The following VPS41 variants were observed in gnomAD, a reference collection of about 807,000 sequenced individuals.
VPS41 encodes VPS41 subunit of HOPS complex.
VPS41 carries 85 observed loss-of-function variants against 130.9 expected under a neutral mutation model. That is an observed-to-expected ratio of 0.65 (90% CI 0.55 to 0.78). The LOEUF is 0.78. Ranked by LOEUF, VPS41 falls within the 30% of genes least tolerant of loss-of-function variation. VPS41 has a pLI of 0.00. For synonymous variants in VPS41, 335 were observed against 332.9 expected (o/e 1.01, Z -0.07); for missense variants, 874 against 1,018.7 (o/e 0.86, Z 1.93).
intron 7 of VPS41, among the ~76,000 whole-genome samples, chr7:38,797,221 G>A (rs1784639136): frequency 6.6e-6 from 1 of 152,152 alleles, no homozygotes; most frequent in Non-Finnish European, 1.5e-5. Context: ...TTTGTAAATT[G>A]GGAAATCAAA....
intron 17 of VPS41, among the ~76,000 whole-genome samples, chr7:38,760,719 T>C (rs1783893116): frequency 6.6e-6 from 1 of 152,122 alleles, no homozygotes; most frequent in Non-Finnish European, 1.5e-5. Context: ...AAAATAAACC[T>C]TAAAGTCGAT....
Position 38,817,885 on chromosome 7 carries a change from A to G in VPS41, c.385-3T>C. On this transcript the variant is annotated splice_polypyrimidine_tract_variant and splice_region_variant and intron_variant, in intron 6 of 28. Coordinates refer to ENST00000310301, the MANE Select transcript of VPS41 (RefSeq NM_014396.4). ...AAATGTGGGTGCACAGCAATAATCTACAAGAGAAACAGAACCCAACTCTGG... is the reference window on the plus strand; with the variant it reads ...AAATGTGGGTGCACAGCAATAATCTGCAAGAGAAACAGAACCCAACTCTGG... 1 of 1,613,746 alleles carries G rather than the reference A, an allele frequency of 6.2e-7. No individual in the cohort carries two copies. Among genetic ancestry groups the G allele is most frequent in the Non-Finnish European group, 8.5e-7 (1 of 1,179,744 alleles).
rs1326636477 is a variant in VPS41 at position 38,877,646 on chromosome 7, C to CT, written c.61-8394dup. On this transcript the variant is annotated intron_variant, in intron 2 of 28. Coordinates refer to ENST00000310301, the MANE Select transcript of VPS41 (RefSeq NM_014396.4). ...CCATAAGCCAAGTGCAAAGAAGCAA[C>CT]TTGCTAACCACCCCCACCAAAGCCT... Among the ~76,000 whole-genome samples, 8 of 152,234 alleles carry CT rather than the reference C, an allele frequency of 5.3e-5. No individual in the cohort carries two copies. The East Asian group carries it at 1.5e-3, about 29-fold the overall frequency.
chr7:38,795,920 C>G (rs554180992), intron 8 of VPS41, among the ~76,000 whole-genome samples: 31 of 152,300 alleles, frequency 2.0e-4, no homozygotes, highest in African/African-American at 7.5e-4. Context: ...AGTAACATTT[C>G]TAATTTTATC....
intron 1 of VPS41, among the ~76,000 whole-genome samples, chr7:38,907,029 G>GC (rs1211174666): frequency 6.6e-6 from 1 of 151,536 alleles, no homozygotes; most frequent in East Asian, 1.9e-4. Flanking sequence ...ACAAATCCTT[G>GC]TCAGGATGTT....
At chr7:38,759,701 C>T (rs4723785) in intron 17 of VPS41, among the ~76,000 whole-genome samples, 98,391 of 151,888 alleles carry the variant, frequency 0.65, 33,071 homozygotes, top group Admixed American at 0.78. Flanking sequence ...TTGGACTTGC[C>T]CCATCCCCAT....
intron 22 of VPS41, among the ~76,000 whole-genome samples, chr7:38,748,937 T>C (rs978252092): frequency 6.6e-6 from 1 of 152,038 alleles, no homozygotes; most frequent in East Asian, 1.9e-4. Context: ...TCCACCTAAC[T>C]GCACTTTTGT....
intron 7 of VPS41, among the ~76,000 whole-genome samples, chr7:38,800,706 G>A (rs965825687): frequency 2.6e-5 from 4 of 152,062 alleles, no homozygotes; most frequent in Admixed American, 1.3e-4. Context: ...CATGGTGGCC[G>A]GCACCTGTAA....
intron 1 of VPS41, among the ~76,000 whole-genome samples, chr7:38,900,934 G>C (rs1050587181): frequency 6.6e-6 from 1 of 152,170 alleles, no homozygotes; most frequent in African/African-American, 2.4e-5. Flanking sequence ...AGAGAGAAAG[G>C]CAAAGAAGAC....
At chr7:38,847,612 C>T (rs1785755173) in intron 4 of VPS41, among the ~76,000 whole-genome samples, 3 of 152,138 alleles carry the variant, frequency 2.0e-5, no homozygotes, top group African/African-American at 7.2e-5. Flanking sequence ...AGAACAAACT[C>T]CACTAATAAA....
chr7:38,823,043 T>A lies in VPS41; in HGVS notation c.322-1778A>T, dbSNP rs529937831. 1.2e-4 allele frequency among the ~76,000 whole-genome samples: 19 copies of A among 152,344 alleles called. No individual in the cohort carries two copies. In the East Asian group the frequency reaches 3.5e-3, roughly 28 times the overall value. The stretch of plus-strand genomic sequence containing the variant: ...CACTGGTGAAGCCATCTAGGTCTCA[T>A]GGCTTTGCTATGGTCTGAATGTATG... On this transcript the variant is annotated intron_variant, in intron 5 of 28. Transcript: ENST00000310301.
intron 4 of VPS41, among the ~76,000 whole-genome samples, chr7:38,845,211 A>G (rs904965678): frequency 2.0e-5 from 3 of 152,196 alleles, no homozygotes; most frequent in Non-Finnish European, 4.4e-5. Flanking sequence ...CTATGTACTC[A>G]AGACAGTTAT....
intron 7 of VPS41, among the ~76,000 whole-genome samples, chr7:38,801,417 TTA>T (rs2116013714): frequency 6.6e-6 from 1 of 152,348 alleles, no homozygotes; most frequent in Admixed American, 6.5e-5. Flanking sequence ...CGTTATTTTC[TTA>T]TGTTTTTCAA....
At chr7:38,814,599 G>A (rs1584408885) in intron 7 of VPS41, among the ~76,000 whole-genome samples, 1 of 152,054 alleles carries the variant, frequency 6.6e-6, no homozygotes, top group African/African-American at 2.4e-5. Flanking sequence ...GCAGCGAGCC[G>A]AGATCGCGCC....
intron 23 of VPS41, among the ~76,000 whole-genome samples, chr7:38,744,666 A>G (rs370626257): frequency 3.9e-5 from 6 of 152,222 alleles, no homozygotes; most frequent in Admixed American, 3.3e-4. Flanking sequence ...GAGCTACCTA[A>G]AATTGTGATT....
intron 28 of VPS41, 88 bp from the exon 29 acceptor site, chr7:38,726,414 G>T (rs988350273): frequency 3.0e-6 from 3 of 1,015,398 alleles, no homozygotes; most frequent in Non-Finnish European, 4.5e-6. Context: ...GCGTTAGTCA[G>T]GGGGTGGAGA....
intron 22 of VPS41, among the ~76,000 whole-genome samples, chr7:38,748,185 A>G (rs1562570253): frequency 6.6e-6 from 1 of 152,194 alleles, no homozygotes. Flanking sequence ...GGAAACTAAG[A>G]TTTTTAAAGT....
intron 22 of VPS41, among the ~76,000 whole-genome samples, chr7:38,750,817 C>T (rs1022596858): frequency 8.5e-5 from 13 of 152,276 alleles, no homozygotes; most frequent in African/African-American, 3.1e-4. Flanking sequence ...CTGTTAATCA[C>T]CCACATGTGA....
Position 38,754,734 on chromosome 7 carries a change from C to A in VPS41, c.1756G>T (p.Glu586Ter). The A allele has an allele frequency of 6.2e-7, 1 of 1,613,472 alleles. No homozygotes were observed. Among genetic ancestry groups the A allele is most frequent in the Non-Finnish European group, 8.5e-7 (1 of 1,179,660 alleles). The stretch of plus-strand genomic sequence containing the variant: ...TGTAGCTCTGGTCTGTCTTCCAATT[C>A]TTCCACTACCTTTTTAATCTAGATA... ...DKISIKKVVE[E>*]LEDRPELQHV... Residue 586 changes from glutamate to a stop codon, truncating the protein, a stop_gained, in exon 21 of 29, where the codon GAA becomes TAA. Coordinates refer to ENST00000310301, the MANE Select transcript of VPS41 (RefSeq NM_014396.4). LOFTEE classifies it high-confidence loss of function.
Sources: allele counts gnomAD v4.1 joint callset (sites outside exome capture counted in the v4.1 genomes callset), GRCh38; gene constraint gnomAD v4.1.1; transcripts MANE v1.5; gene names NCBI Gene and HGNC (gene_info 2026-07-23, HGNC 2026-07-21).